The following PROSER1 variants were observed in gnomAD, a reference collection of about 807,000 sequenced individuals.
PROSER1 encodes the protein proline and serine rich 1.
In PROSER1, 36 loss-of-function variants were observed where a neutral mutation model predicts 71.8. The ratio of observed to expected loss-of-function variants is 0.50; its 90% CI spans 0.38 to 0.66. The LOEUF (loss-of-function observed/expected upper bound fraction) is 0.66. PROSER1 is among the 30% of genes least tolerant of loss of function. The pLI is 0.00. For synonymous variants in PROSER1, 490 were observed against 452.4 expected, an observed-to-expected ratio of 1.08 and a Z score of -1.06; for missense variants, 1,107 against 1,135.0, an observed-to-expected ratio of 0.98 and a Z score of 0.35.
rs770881918 is a variant in PROSER1, at chr13:39,012,063, T to C, written c.2712+20A>G. The C allele has an allele frequency of 3.7e-5, 60 of 1,607,998 alleles. No individual in the cohort carries two copies. Among genetic ancestry groups the C allele is most frequent in the Non-Finnish European group, 4.2e-5 (49 of 1,176,732 alleles). ...GTTATACATGTTACCATGTAATTTA[T>C]GCCAGCCATTGCTGCTTACCTGCTG... On this transcript the variant is annotated intron_variant, in intron 12 of 12. Transcript: ENST00000352251.
rs1869605313 is a variant in PROSER1, at chr13:39,010,816, C to G, written c.*549G>C. Reference sequence around the variant, plus strand: ...TACCTGAAATATTTTGAGTTAAATTCAGCAGTATGTACGGTTGTTAATATC... The same window carrying G: ...TACCTGAAATATTTTGAGTTAAATTGAGCAGTATGTACGGTTGTTAATATC... On this transcript the variant is annotated 3_prime_UTR_variant, in exon 13 of 13. Transcript: ENST00000352251. The G allele has an allele frequency of 6.5e-6, 1 of 152,700 alleles. No individual in the cohort carries two copies. The highest frequency in any genetic ancestry group is 2.4e-5 in the African/African-American group (1 of 41,422). The allele number at this position is 152,700 out of a possible 1,614,324, so 9.5% of individuals were successfully genotyped here.
Position 39,034,179 on chromosome 13 carries a change from G to A in PROSER1, c.63C>T (p.Tyr21=). 1.3e-6 allele frequency: 2 copies of A among 1,579,058 alleles called. No homozygotes were observed. Among genetic ancestry groups the A allele is most frequent in the Non-Finnish European group, 1.7e-6 (2 of 1,164,014 alleles). ...GCACATATTCAATTGCTTTTAATTT[G>A]TATTCTGTCAAAACAGCCTAAAAAA... ...DEIRKAVLTE[Y]KLKAIEYVHG... Residue 21 remains tyrosine (Y), a synonymous_variant, in exon 2 of 13, where the codon TAC becomes TAT. Coordinates refer to ENST00000352251, the MANE Select transcript of PROSER1 (RefSeq NM_025138.5).
At chr13:39,036,736 A>C (rs1466478262) in intron 1 of PROSER1, among the ~76,000 whole-genome samples, 1 of 152,206 alleles carries the variant, frequency 6.6e-6, no homozygotes, top group South Asian at 2.1e-4. Context: ...TCAGGACACG[A>C]ATTTTGCATG....
intron 4 of PROSER1, 111 bp downstream of exon 4, chr13:39,029,170 G>A: frequency 1.7e-6 from 1 of 603,980 alleles, no homozygotes; most frequent in Non-Finnish European, 2.8e-6. Flanking sequence ...GTACCACTAT[G>A]CTTTTGACTG....
At position 39,022,405 on chromosome 13, in the gene PROSER1, A is replaced by G; in HGVS notation, c.651T>C (p.Tyr217=). 1.9e-6 allele frequency: 3 copies of G among 1,611,056 alleles called. No individual in the cohort carries two copies. The highest frequency in any genetic ancestry group is 2.2e-5 in the East Asian group (1 of 44,856). The change falls in exon 9 of 13, where the codon TAT becomes TAC. Residue 217 remains tyrosine (Y), a synonymous_variant. Transcript: ENST00000352251. ...CTAATGGTACCAGACCTGCATTGTT[A>G]TAAGCACCTAAAATAAAAACACAAT... is the stretch of plus-strand genomic sequence containing the variant. ...RPHATIAPSA[Y]NNAGLVPLAN...
rs769021056 is a variant in PROSER1, at chr13:39,014,405, C to T, written c.847G>A (p.Val283Ile). ...SNPSTPAATP[V>I]PTASPVKAIN... ...GCCTTGACTGGGGATGCAGTAGGAA[C>T]AGGAGTTGCAGCAGGTGTTGAAGGA... The change falls in exon 11 of 13, where the codon GTT becomes ATT. Residue 283 changes from valine to isoleucine, a missense_variant. By Grantham distance (29) the Val-to-Ile change is conservative. Transcript: ENST00000352251. The T allele has an allele frequency of 6.2e-6, 10 of 1,613,768 alleles. No individual in the cohort carries two copies. Among genetic ancestry groups the T allele is most frequent in the Non-Finnish European group, 8.5e-6 (10 of 1,180,018 alleles).
chr13:39,019,081 G>A (rs887788470), intron 9 of PROSER1, among the ~76,000 whole-genome samples: 2 of 151,880 alleles, frequency 1.3e-5, no homozygotes, highest in African/African-American at 4.8e-5. Context: ...ATTATAACAG[G>A]CACATCAAGA....
At chr13:39,034,266 A>T in intron 1 of PROSER1, 70 bp from the exon 2 acceptor site, 1 of 1,301,668 alleles carries the variant, frequency 7.7e-7, no homozygotes, top group Non-Finnish European at 1.0e-6. Context: ...AGTAATATAC[A>T]TCTATCAAAA....
chr13:39,022,931 G>A, intron 8 of PROSER1, 121 bp downstream of exon 8: 3 of 714,484 alleles, frequency 4.2e-6, no homozygotes, highest in Non-Finnish European at 7.2e-6. Flanking sequence ...GCATAATTAA[G>A]CTCACAGTAG....
Position 39,031,809 on chromosome 13 carries a change from A to C in PROSER1, c.112-178T>G, listed in dbSNP as rs140649264. On this transcript the variant is annotated intron_variant, in intron 2 of 12. Coordinates refer to ENST00000352251, the MANE Select transcript of PROSER1 (RefSeq NM_025138.5). The stretch of plus-strand genomic sequence containing the variant: ...ATTATATAGTTATATACATTTAAAT[A>C]ACTTAAAGTCAAATAAAATGTAAAA... The C allele has an allele frequency of 1.6e-3, 839 of 531,894 alleles. 11 individuals carry two copies. Among genetic ancestry groups the C allele is most frequent in the African/African-American group, 0.015 (775 of 51,070 alleles). 32.9% of individuals were successfully genotyped at this position (531,894 alleles called of 1,614,324 possible).
chr13:39,012,226 A>G lies in PROSER1; in HGVS notation c.2569T>C (p.Ser857Pro), dbSNP rs905923862. 5 of 1,613,786 alleles carry G rather than the reference A, an allele frequency of 3.1e-6. No individual in the cohort carries two copies. In the African/African-American group the frequency reaches 5.3e-5, roughly 17 times the overall value. Residue 857 changes from serine to proline, a missense_variant, in exon 12 of 13, where the codon TCT becomes CCT. Coordinates refer to ENST00000352251, the MANE Select transcript of PROSER1 (RefSeq NM_025138.5). ...SALVAQAGLS[S>P]GLQAAGSSVF... ...GAACTGCCTGCAGCTTGAAGTCCAG[A>G]TGATAAACTAAAACAATTGACAGAA...
At chr13:39,021,557 C>T (rs1167475035) in intron 9 of PROSER1, among the ~76,000 whole-genome samples, 1 of 152,080 alleles carries the variant, frequency 6.6e-6, no homozygotes, top group Non-Finnish European at 1.5e-5. Context: ...TCACAATACA[C>T]TGAATAGAAT....
intron 2 of PROSER1, among the ~76,000 whole-genome samples, chr13:39,032,298 G>C (rs753802885): frequency 4.6e-5 from 7 of 152,168 alleles, no homozygotes; most frequent in Non-Finnish European, 8.8e-5. Context: ...TGAGAGCTCA[G>C]AGTGTGCAGC....
At chr13:39,022,009 C>T (rs1184687324) in intron 9 of PROSER1, among the ~76,000 whole-genome samples, 1 of 152,188 alleles carries the variant, frequency 6.6e-6, no homozygotes, top group Non-Finnish European at 1.5e-5. Flanking sequence ...TTTCACTAGA[C>T]TAAACTCTTT....
At chr13:39,033,400 A>G (rs978416804) in intron 2 of PROSER1, among the ~76,000 whole-genome samples, 1 of 152,250 alleles carries the variant, frequency 6.6e-6, no homozygotes, top group South Asian at 2.1e-4. Flanking sequence ...TGAGAAACCA[A>G]TGAAAAGCTG....
At position 39,014,364 on chromosome 13, in the gene PROSER1, T is replaced by C. The variant is rs771879078; in HGVS notation, c.888A>G (p.Ser296=). 1 of 1,613,954 alleles carries C rather than the reference T, an allele frequency of 6.2e-7. No homozygotes were observed. The highest frequency in any genetic ancestry group is 1.3e-5 in the African/African-American group (1 of 74,870). ...ASPVKAINHP[S]ASAAATVSGM... Reference sequence around the variant, plus strand: ...CAGAAACGGTGGCAGCTGCTGATGCTGATGGATGATTAATTGCCTTGACTG... The same window carrying C: ...CAGAAACGGTGGCAGCTGCTGATGCCGATGGATGATTAATTGCCTTGACTG... The change falls in exon 11 of 13, where the codon TCA becomes TCG. Residue 296 remains serine, a synonymous_variant. Transcript: ENST00000352251.
Position 39,023,076 on chromosome 13 carries a change from G to A in PROSER1, c.619C>T (p.Arg207Ter), listed in dbSNP as rs939503266. The change falls in exon 8 of 13, where the codon CGA (arginine) becomes TGA (stop). Residue 207 changes from arginine (R) to a stop codon, truncating the protein, a stop_gained. Transcript: ENST00000352251. LOFTEE classifies it high-confidence loss of function. ...CTTGGTGCAATAGTTGCATGTGGTC[G>A]GCATGGAGGTATCGGATAAGGAACA... ...KPVPYPIPPC[R>*]PHATIAPSAY... 5 of 1,612,848 alleles carry A rather than the reference G, an allele frequency of 3.1e-6. No individual in the cohort carries two copies. The highest frequency in any genetic ancestry group is 3.3e-5 in the Admixed American group (2 of 59,988).
chr13:39,032,252 T>C (rs1176193034), intron 2 of PROSER1, among the ~76,000 whole-genome samples: 1 of 152,170 alleles, frequency 6.6e-6, no homozygotes, highest in South Asian at 2.1e-4. Context: ...AGAGTCAACA[T>C]GAATTACTCC....
At chr13:39,022,263 T>C (rs1408902505) in intron 9 of PROSER1, 63 bp downstream of exon 9, 17 of 1,086,594 alleles carry the variant, frequency 1.6e-5, no homozygotes, top group Non-Finnish European at 2.3e-5. Flanking sequence ...CAAACAACTG[T>C]CCGTTCCAAG....
Sources: gnomAD v4.1 joint callset for allele counts (sites outside exome capture counted in the v4.1 genomes callset) on GRCh38, gnomAD v4.1.1 for gene constraint, MANE v1.5 for transcripts, NCBI Gene and HGNC (gene_info 2026-07-23, HGNC 2026-07-21) for gene names.